PTPDC1: variants seen among roughly 807,000 people sequenced by gnomAD.
The protein encoded by PTPDC1 is protein tyrosine phosphatase domain-containing protein 1.
A neutral mutation model predicts 75.3 loss-of-function variants in PTPDC1; 53 were observed. The observed-to-expected ratio is 0.70, with a 90% CI of 0.56 to 0.88. The LOEUF (loss-of-function observed/expected upper bound fraction) is 0.88, where lower values mean the gene tolerates loss of function less well. PTPDC1 is among the 40% of genes least tolerant of loss of function. PTPDC1 has a pLI of 0.00. For missense variants in PTPDC1, 925 were observed against 998.6 expected (o/e 0.93, Z 0.99); for synonymous variants, 349 against 366.2 (o/e 0.95, Z 0.54).
At chr9:94,048,851 T>C (rs1018130153) in intron 1 of PTPDC1, among the ~76,000 whole-genome samples, 1 of 152,196 alleles carries the variant, frequency 6.6e-6, no homozygotes, top group Non-Finnish European at 1.5e-5. Flanking sequence ...AGTCTCTTTG[T>C]AGTTCTCTAA....
At chr9:94,041,568 G>T (rs1213567138) in intron 1 of PTPDC1, among the ~76,000 whole-genome samples, 1 of 152,138 alleles carries the variant, frequency 6.6e-6, no homozygotes, top group Non-Finnish European at 1.5e-5. Flanking sequence ...AGATAAAACT[G>T]AACTGTTTTT....
upstream of PTPDC1, among the ~76,000 whole-genome samples, chr9:94,080,983 T>A (rs988890478): frequency 2.6e-5 from 3 of 117,570 alleles, no homozygotes; most frequent in African/African-American, 1.2e-4. Flanking sequence ...TCTTTTTTTC[T>A]TTTTCTTTTT....
chr9:94,049,697 A>G (rs1460691056), intron 1 of PTPDC1, among the ~76,000 whole-genome samples: 2 of 151,952 alleles, frequency 1.3e-5, no homozygotes, highest in African/African-American at 4.8e-5. Context: ...GTGTCTTGGA[A>G]TTGCTCTTCT....
rs142107517 is a variant in PTPDC1 at position 94,095,843 on chromosome 9, G to A, written c.754+389G>A. On this transcript the variant is annotated intron_variant, in intron 5 of 8. Coordinates refer to ENST00000620992, the MANE Select transcript of PTPDC1 (RefSeq NM_001253829.2). ...AAAATTTTAAGATATTTGAAATACC[G>A]TAAACAGGTAGTTACAATGACCGTA... Among the ~76,000 whole-genome samples, 917 of 152,078 alleles carry A rather than the reference G, an allele frequency of 6.0e-3. 5 individuals are homozygous for A. Among genetic ancestry groups the A allele is most frequent in the Non-Finnish European group, 9.6e-3 (654 of 68,000 alleles).
At chr9:94,072,399 C>T (rs2117909313) in intron 2 of PTPDC1, among the ~76,000 whole-genome samples, 1 of 152,304 alleles carries the variant, frequency 6.6e-6, no homozygotes, top group South Asian at 2.1e-4. Flanking sequence ...TGCCTTACTA[C>T]TTTGCTGAAC....
chr9:94,091,914 G>A (rs1334848664), intron 4 of PTPDC1, among the ~76,000 whole-genome samples: 45 of 151,816 alleles, frequency 3.0e-4, no homozygotes, highest in Admixed American at 5.2e-4. Flanking sequence ...GTATTTCTGT[G>A]GGATCAGTGG....
At chr9:94,094,751 C>T (rs73623710) in intron 4 of PTPDC1, among the ~76,000 whole-genome samples, 24 of 152,342 alleles carry the variant, frequency 1.6e-4, no homozygotes, top group South Asian at 6.2e-4. Flanking sequence ...TAGGACCCTC[C>T]GAGCCAGGTG....
rs374592301 is a variant in PTPDC1 at position 94,042,306 on chromosome 9, AG to A, written c.-7+11180del. ...TCATTTCCAAAGTTTCTTAAACTGC[AG>A]TCTCCCCATCCCCTTCAGTGAGATT... On this transcript the variant is annotated intron_variant, in intron 1 of 9. Transcript: ENST00000375360. Among the ~76,000 whole-genome samples, 837 of 152,260 alleles carry A rather than the reference AG, an allele frequency of 5.5e-3. 11 individuals are homozygous for A. Among genetic ancestry groups the A allele is most frequent in the African/African-American group, 0.019 (806 of 41,524 alleles).
Position 94,039,682 on chromosome 9 carries a change from G to A in PTPDC1, c.-7+8555G>A, listed in dbSNP as rs117405353. Among the ~76,000 whole-genome samples the A allele has an allele frequency of 1.2e-3, 176 of 152,244 alleles. 3 individuals are homozygous for A. The East Asian group carries it at 0.019, about 16-fold the overall frequency. On this transcript the variant is annotated intron_variant, in intron 1 of 9. Transcript: ENST00000375360. The stretch of plus-strand genomic sequence containing the variant: ...GCCTAGGAGGTTGAGGCTGCAGTGA[G>A]CCATGATCATGCCAGTATGTTCCTG...
intron 6 of PTPDC1, chr9:94,100,994 G>A (rs1345009044): frequency 6.6e-6 from 1 of 152,060 alleles, no homozygotes; most frequent in African/African-American, 2.4e-5. Flanking sequence ...ATCCTACATA[G>A]GATGCTAAAA....
intron 1 of PTPDC1, among the ~76,000 whole-genome samples, chr9:94,036,035 G>GT (rs563126003): frequency 0.023 from 2,714 of 118,646 alleles, 90 homozygotes; most frequent in African/African-American, 0.058. Flanking sequence ...TTTTTTTTTT[G>GT]TTTTTTTTTT....
intron 1 of PTPDC1, among the ~76,000 whole-genome samples, chr9:94,037,109 T>G (rs750970937): frequency 5.9e-5 from 9 of 152,252 alleles, no homozygotes; most frequent in Non-Finnish European, 1.3e-4. Context: ...TCATTTAGAA[T>G]CTTGCCTTTG....
At position 94,108,729 on chromosome 9, in the gene PTPDC1, C is replaced by T. The variant is rs1042800747; in HGVS notation, c.*785C>T. On this transcript the variant is annotated 3_prime_UTR_variant, in exon 9 of 9. Coordinates refer to ENST00000620992, the MANE Select transcript of PTPDC1 (RefSeq NM_001253829.2). ...CTTGGGTTGCTGCTGAGCCAAATAG[C>T]ATCTTTACAGAGGAAGTGGGATCAG... 6.6e-6 allele frequency: 1 copy of T among 152,218 alleles called. No homozygotes were observed. Among genetic ancestry groups the T allele is most frequent in the Non-Finnish European group, 1.5e-5 (1 of 68,072 alleles). 9.4% of individuals were successfully genotyped at this position (152,218 alleles called of 1,614,324 possible). A position where few individuals can be genotyped will look rare whatever the true frequency, so the allele number is the denominator to read the frequency against.
intron 6 of PTPDC1, 136 bp from the exon 7 acceptor site, chr9:94,101,430 C>T: frequency 1.7e-6 from 1 of 587,970 alleles, no homozygotes; most frequent in Non-Finnish European, 2.9e-6. Context: ...TGGGAGGGGT[C>T]CCAGTTCTGC....
At chr9:94,089,999 G>A (rs1159710976) in intron 4 of PTPDC1, among the ~76,000 whole-genome samples, 1 of 122,576 alleles carries the variant, frequency 8.2e-6, no homozygotes, top group East Asian at 2.2e-4. Context: ...AGATGAGTAG[G>A]TTGCAAAAAT....
intron 8 of PTPDC1, among the ~76,000 whole-genome samples, chr9:94,107,392 C>G (rs978585673): frequency 6.6e-6 from 1 of 152,202 alleles, no homozygotes; most frequent in African/African-American, 2.4e-5. Flanking sequence ...GGACATGTAG[C>G]TGGCAGGTGG....
rs1827527902 is a variant in PTPDC1, at chr9:94,095,434, A to C, written c.734A>C (p.His245Pro). ...LQEGKVAIHC[H>P]AGLGRTGVLI... The stretch of plus-strand genomic sequence containing the variant: ...GAAGGAAAAGTAGCTATCCATTGTC[A>C]TGCAGGGCTTGGTCGAACAGGTAGG... Residue 245 changes from histidine (H) to proline (P), a missense_variant, in exon 5 of 9, where the codon CAT becomes CCT. Physicochemically the swap from His to Pro is moderately conservative, Grantham distance 77. Coordinates refer to ENST00000620992, the MANE Select transcript of PTPDC1 (RefSeq NM_001253829.2). 6.2e-7 allele frequency: 1 copy of C among 1,613,714 alleles called. No individual in the cohort carries two copies. Among genetic ancestry groups the C allele is most frequent in the East Asian group, 2.2e-5 (1 of 44,852 alleles).
intron 1 of PTPDC1, among the ~76,000 whole-genome samples, chr9:94,036,960 C>T (rs1183688359): frequency 6.6e-6 from 1 of 152,178 alleles, no homozygotes; most frequent in Non-Finnish European, 1.5e-5. Context: ...GAACTCAGAA[C>T]ATTCTTTTAT....
chr9:94,097,481 C>T lies in PTPDC1; in HGVS notation c.915C>T (p.Phe305=), dbSNP rs756786755. Residue 305 remains phenylalanine (F), a synonymous_variant, in exon 6 of 9, where the codon TTC becomes TTT. Coordinates refer to ENST00000620992, the MANE Select transcript of PTPDC1 (RefSeq NM_001253829.2). ...TTCTAACTCCTCTCCGCAATATATT[C>T]TCTTGCTGTGATCCCAAAGCACATG... ...TQFLTPLRNI[F]SCCDPKAHAV... 1 of 1,614,196 alleles carries T rather than the reference C, an allele frequency of 6.2e-7. No homozygotes were observed.
Sources: gnomAD v4.1 joint callset for allele counts (sites outside exome capture counted in the v4.1 genomes callset) on GRCh38, gnomAD v4.1.1 for gene constraint, MANE v1.5 for transcripts, NCBI Gene and HGNC (gene_info 2026-07-23, HGNC 2026-07-21) for gene names.